Variants in MFSD1 observed in about 807,000 individuals in gnomAD.
The protein encoded by MFSD1 is lysosomal dipeptide transporter MFSD1.
A neutral mutation model predicts 67.1 loss-of-function variants in MFSD1; 59 were observed. The ratio of observed to expected loss-of-function variants is 0.88; its 90% CI spans 0.71 to 1.09. The LOEUF is 1.09. Among genes scored for constraint, MFSD1 ranks in the 50% least tolerant of loss-of-function variants. The pLI, the probability that MFSD1 is intolerant of heterozygous loss-of-function variation, is 0.00. For synonymous variants in MFSD1, 213 were observed against 200.3 expected (o/e 1.06, Z -0.54); for missense variants, 552 against 566.1 (o/e 0.97, Z 0.25).
At chr3:158,814,904 G>A (rs1730238063) in intron 7 of MFSD1, among the ~76,000 whole-genome samples, 1 of 151,964 alleles carries the variant, frequency 6.6e-6, no homozygotes, top group Non-Finnish European at 1.5e-5. Context: ...CCAACATGGA[G>A]AAACCCGTCT....
rs528633523 is a variant in MFSD1 at position 158,814,860 on chromosome 3, A to T, written c.652+793A>T. ...CACTTTGGGAGGCCGAGGTGGGTGG[A>T]TCACCTGAGGTCGGGAGTTCTAGAC... On this transcript the variant is annotated intron_variant, in intron 7 of 15. Coordinates refer to ENST00000415822, the MANE Select transcript of MFSD1 (RefSeq NM_022736.4). Among the ~76,000 whole-genome samples, 199 of 152,170 alleles carry T rather than the reference A, an allele frequency of 1.3e-3. 2 individuals carry two copies. The South Asian group carries it at 0.022, about 17-fold the overall frequency.
intron 7 of MFSD1, 199 bp from the exon 8 acceptor site, chr3:158,819,450 C>T: frequency 4.6e-6 from 2 of 430,834 alleles, no homozygotes; most frequent in Non-Finnish European, 8.2e-6. Flanking sequence ...GCAGTAAAAG[C>T]TACTACTGTT....
rs1729472777 is a variant in MFSD1, at chr3:158,802,114, G to C, written c.-39G>C. ...GCGCTGCTTCCTGCCTGGGTTTGGAGTTGTCACCACTTTCCCCTCTCCGTC... is the reference window on the plus strand; with the variant it reads ...GCGCTGCTTCCTGCCTGGGTTTGGACTTGTCACCACTTTCCCCTCTCCGTC... On this transcript the variant is annotated 5_prime_UTR_variant, in exon 1 of 16. Coordinates refer to ENST00000415822, the MANE Select transcript of MFSD1 (RefSeq NM_022736.4). 2.5e-6 allele frequency: 4 copies of C among 1,607,340 alleles called. No individual in the cohort carries two copies. The highest frequency in any genetic ancestry group is 3.4e-6 in the Non-Finnish European group (4 of 1,178,256).
intron 9 of MFSD1, 99 bp from the exon 10 acceptor site, chr3:158,821,498 A>G: frequency 1.3e-6 from 1 of 759,966 alleles, no homozygotes; most frequent in Non-Finnish European, 2.2e-6. Flanking sequence ...ATATCAAGAA[A>G]GAAGCTGATT....
chr3:158,823,680 A>AC (rs1730797950), intron 12 of MFSD1, among the ~76,000 whole-genome samples, 155 bp downstream of exon 12: 1 of 152,200 alleles, frequency 6.6e-6, no homozygotes, highest in African/African-American at 2.4e-5. Context: ...TATTTAAGAT[A>AC]CTGTTGTGGC....
At chr3:158,823,260 C>A in intron 11 of MFSD1, 168 bp from the exon 12 acceptor site, 1 of 608,692 alleles carries the variant, frequency 1.6e-6, no homozygotes, top group Non-Finnish European at 3.0e-6. Context: ...ACTCTTAGGG[C>A]AGAGACTTGT....
intron 13 of MFSD1, chr3:158,825,444 T>C (rs1447394199): frequency 2.6e-5 from 4 of 152,310 alleles, no homozygotes; most frequent in African/African-American, 4.8e-5. Flanking sequence ...AATAATAAGA[T>C]AATAGGCCTG....
intron 13 of MFSD1, among the ~76,000 whole-genome samples, chr3:158,824,939 A>G (rs1438731414): frequency 2.6e-5 from 4 of 152,326 alleles, no homozygotes; most frequent in Admixed American, 2.6e-4. Flanking sequence ...TTATCTCATA[A>G]ATAAACGTGC....
rs563658848 is a variant in MFSD1, at chr3:158,817,205, C to T, written c.653-2444C>T. On this transcript the variant is annotated intron_variant, in intron 7 of 15. Transcript: ENST00000415822. The stretch of plus-strand genomic sequence containing the variant: ...AACTGGCACAAGACAGGGATGCCCT[C>T]TCTCACCACTCCTATTCAACATAGT... Among the ~76,000 whole-genome samples, 220 of 151,756 alleles carry T rather than the reference C, an allele frequency of 1.4e-3. 2 individuals carry two copies. The highest frequency in any genetic ancestry group is 2.2e-3 in the Non-Finnish European group (152 of 67,900).
At chr3:158,828,309 C>T (rs1371151154) in intron 15 of MFSD1, among the ~76,000 whole-genome samples, 2 of 151,714 alleles carry the variant, frequency 1.3e-5, no homozygotes, top group East Asian at 3.9e-4. Flanking sequence ...ATATATATAC[C>T]ATGTGATTGT....
intron 7 of MFSD1, among the ~76,000 whole-genome samples, chr3:158,817,775 A>G (rs11708476): frequency 0.033 from 4,956 of 152,284 alleles, 110 homozygotes; most frequent in Non-Finnish European, 0.046. Context: ...GAACGAAAAA[A>G]GAGCCCGCAT....
At chr3:158,804,097 T>C (rs971808039) in intron 1 of MFSD1, 3 of 411,306 alleles carry the variant, frequency 7.3e-6, no homozygotes, top group African/African-American at 6.1e-5. Context: ...GTTGACTTTT[T>C]AATTCAGGTT....
intron 7 of MFSD1, among the ~76,000 whole-genome samples, chr3:158,818,327 C>A (rs1730484879): frequency 6.6e-6 from 1 of 152,220 alleles, no homozygotes; most frequent in African/African-American, 2.4e-5. Flanking sequence ...ATATCCATCA[C>A]CTCATGCGTC....
chr3:158,829,712 A>G lies in MFSD1; in HGVS notation c.*730A>G, dbSNP rs1280895969. On this transcript the variant is annotated 3_prime_UTR_variant, in exon 16 of 16. Transcript: ENST00000415822. Reference sequence around the variant, plus strand: ...ACATGGATAAATTAAAACACTGCACACGGAGTACTTGATGTCTTCTTTTGA... The same window carrying G: ...ACATGGATAAATTAAAACACTGCACGCGGAGTACTTGATGTCTTCTTTTGA... The G allele has an allele frequency of 2.0e-5, 3 of 152,240 alleles. No homozygotes were observed. Among genetic ancestry groups the G allele is most frequent in the Non-Finnish European group, 4.4e-5 (3 of 68,036 alleles). 9.4% of individuals were successfully genotyped at this position (152,240 alleles called of 1,614,324 possible).
rs1373435297 is a variant in MFSD1 at position 158,821,639 on chromosome 3, AAG to A, written c.907_908del (p.Ser303CysfsTer3). ...EKFGFSSQAASAINSVVYVIS... is the reference protein window; with the variant it reads ...EKFGFSSQAAXAINSVVYVIS... ...AATTTGGATTTTCTTCCCAGGCAGC[AAG>A]TGCAATTAACAGGTATTTTAAAATT... is the stretch of plus-strand genomic sequence containing the variant. On this transcript the variant is annotated frameshift_variant, in exon 10 of 16. Transcript: ENST00000415822. LOFTEE classifies it high-confidence loss of function. The A allele has an allele frequency of 5.0e-6, 8 of 1,609,128 alleles. No individual in the cohort carries two copies. The Admixed American group carries it at 1.2e-4, about 24-fold the overall frequency.
intron 1 of MFSD1, chr3:158,802,746 C>A: frequency 2.8e-6 from 1 of 361,088 alleles, no homozygotes; most frequent in South Asian, 2.1e-5. Flanking sequence ...TGTCACCCAG[C>A]CCGGAGTGCA....
chr3:158,827,193 C>T (rs984157275), intron 14 of MFSD1, 87 bp from the exon 15 acceptor site: 3 of 757,826 alleles, frequency 4.0e-6, no homozygotes, highest in African/African-American at 3.7e-5. Flanking sequence ...TGTATCTATG[C>T]AAATGGTTGC....
Position 158,819,634 on chromosome 3 carries a change from T to C in MFSD1, c.653-15T>C, listed in dbSNP as rs772648881. ...TTTCAAAGTCTGTTTTTCTTTTTTT[T>C]TTTTTTTTATTTAGGGGGTATAACG... is the stretch of plus-strand genomic sequence containing the variant. On this transcript the variant is annotated splice_polypyrimidine_tract_variant and intron_variant, in intron 7 of 15. Coordinates refer to ENST00000415822, the MANE Select transcript of MFSD1 (RefSeq NM_022736.4). The C allele has an allele frequency of 8.0e-6, 11 of 1,370,550 alleles. No individual in the cohort carries two copies. In the East Asian group the frequency reaches 2.1e-4, roughly 27 times the overall value. The allele number at this position is 1,370,550 out of a possible 1,614,324, so 84.9% of individuals were successfully genotyped here.
intron 1 of MFSD1, among the ~76,000 whole-genome samples, chr3:158,803,507 C>T (rs1329528247): frequency 2.0e-5 from 3 of 152,060 alleles, no homozygotes; most frequent in African/African-American, 7.2e-5. Context: ...AAATGGTCCC[C>T]ACTCAAGCAG....
Sources: allele counts gnomAD v4.1 joint callset (sites outside exome capture counted in the v4.1 genomes callset), GRCh38; gene constraint gnomAD v4.1.1; transcripts MANE v1.5; gene names NCBI Gene and HGNC (gene_info 2026-07-23, HGNC 2026-07-21).